TYK2: variants seen among roughly 807,000 people sequenced by gnomAD.
The protein encoded by TYK2 is tyrosine kinase 2.
TYK2 carries 65 observed loss-of-function variants against 130.9 expected under a neutral mutation model. That is an observed-to-expected ratio of 0.50 (90% CI 0.41 to 0.61). TYK2 has a LOEUF of 0.61. Ranked by LOEUF, TYK2 falls within the 20% of genes least tolerant of loss-of-function variation. The pLI is 0.00. For missense variants in TYK2, 1,378 were observed against 1,610.7 expected (o/e 0.86, Z 2.47); for synonymous variants, 647 against 658.9 (o/e 0.98, Z 0.28).
intron 15 of TYK2, among the ~76,000 whole-genome samples, chr19:10,358,357 G>C (rs957034294): frequency 1.5e-5 from 2 of 132,730 alleles, no homozygotes; most frequent in Non-Finnish European, 3.1e-5. Context: ...TTGGAGTATA[G>C]TGGCACGAAC....
intron 3 of TYK2, among the ~76,000 whole-genome samples, chr19:10,372,296 G>GT (rs776320771): frequency 0.056 from 7,213 of 129,842 alleles, 233 homozygotes; most frequent in African/African-American, 0.082. Context: ...CCCGGCCTGG[G>GT]TTTTTTTTTT....
At chr19:10,358,291 C>CTTTTTTTTTT (rs2041211470) in intron 15 of TYK2, among the ~76,000 whole-genome samples, 153 bp from the exon 16 acceptor site, 2 of 118,648 alleles carry the variant, frequency 1.7e-5, no homozygotes, top group African/African-American at 7.0e-5. Flanking sequence ...TTATTTTTTT[C>CTTTTTTTTTT]TTGTTTTTTT....
chr19:10,377,610 G>GGATA (rs1568346618), intron 3 of TYK2, among the ~76,000 whole-genome samples: 1 of 85,024 alleles, frequency 1.2e-5, no homozygotes. Context: ...ATGGATGGGT[G>GGATA]GATGGATGGG....
chr19:10,351,186 C>CT, intron 23 of TYK2, 24 bp from the exon 24 acceptor site: 1 of 1,600,182 alleles, frequency 6.2e-7, no homozygotes, highest in Non-Finnish European at 8.6e-7. Context: ...AAGACAAGCT[C>CT]TTTTCAAGAG....
At chr19:10,373,578 G>A (rs12720346) in intron 3 of TYK2, among the ~76,000 whole-genome samples, 4,558 of 152,106 alleles carry the variant, frequency 0.03, 113 homozygotes, top group Non-Finnish European at 0.044. Context: ...TGATCTGCCC[G>A]CCTCAGCCTC....
chr19:10,360,792 G>A (rs1379787372), intron 14 of TYK2, among the ~76,000 whole-genome samples: 2 of 151,874 alleles, frequency 1.3e-5, no homozygotes, highest in East Asian at 1.9e-4. Context: ...TCGCCCTGTC[G>A]CCCAGGCTGG....
At chr19:10,354,740 C>T in intron 18 of TYK2, 131 bp from the exon 19 acceptor site, 1 of 741,818 alleles carries the variant, frequency 1.3e-6, no homozygotes, top group Non-Finnish European at 2.4e-6. Context: ...TTTCCTGCAA[C>T]AGCTGAAAGA....
chr19:10,370,482 C>T lies in TYK2; in HGVS notation c.194-2064G>A, dbSNP rs376497814. ...TGAGCCGAGATTGTGCCACTGCACT[C>T]CAGCCTGGCGACACAGCAAGACTGT... On this transcript the variant is annotated intron_variant, in intron 3 of 24. Coordinates refer to ENST00000525621, the MANE Select transcript of TYK2 (RefSeq NM_003331.5). Among the ~76,000 whole-genome samples, 49 of 150,550 alleles carry T rather than the reference C, an allele frequency of 3.3e-4. 1 individual carries two copies. The highest frequency in any genetic ancestry group is 1.2e-3 in the African/African-American group (48 of 40,758).
intron 23 of TYK2, chr19:10,351,445 C>G: frequency 2.6e-6 from 1 of 380,492 alleles, no homozygotes; most frequent in South Asian, 2.2e-5. Flanking sequence ...CGAGATTGTG[C>G]CATTGCACTC....
rs556669916 is a variant in TYK2, at chr19:10,351,954, G to GA, written c.3318+479_3318+480insT. 2.4e-3 allele frequency among the ~76,000 whole-genome samples: 364 copies of GA among 151,790 alleles called. 2 individuals carry two copies. The highest frequency in any genetic ancestry group is 8.5e-3 in the African/African-American group (351 of 41,398). On this transcript the variant is annotated intron_variant, in intron 23 of 24. Coordinates refer to ENST00000525621, the MANE Select transcript of TYK2 (RefSeq NM_003331.5). ...GGGGTTTCACCATGTTGGCCAGGCTGGTCTCGATCTCCTGACCTCGTGATC... is the reference window on the plus strand; with the variant it reads ...GGGGTTTCACCATGTTGGCCAGGCTGAGTCTCGATCTCCTGACCTCGTGATC...
At position 10,378,443 on chromosome 19, in the gene TYK2, C is replaced by A. The variant is rs1358166890; in HGVS notation, c.-20-17G>T. On this transcript the variant is annotated splice_polypyrimidine_tract_variant and intron_variant, in intron 2 of 24. Coordinates refer to ENST00000525621, the MANE Select transcript of TYK2 (RefSeq NM_003331.5). ...GTGGCTCAGCTGGAAAGGGGACAATCTGTCAGCTCCCAAGTCTCAGCCCAG... is the reference window on the plus strand; with the variant it reads ...GTGGCTCAGCTGGAAAGGGGACAATATGTCAGCTCCCAAGTCTCAGCCCAG... The A allele has an allele frequency of 1.3e-6, 2 of 1,595,146 alleles. No individual in the cohort carries two copies. Among genetic ancestry groups the A allele is most frequent in the Non-Finnish European group, 1.7e-6 (2 of 1,174,708 alleles).
chr19:10,377,518 G>A, intron 3 of TYK2, among the ~76,000 whole-genome samples: 1 of 136,262 alleles, frequency 7.3e-6, no homozygotes, highest in Non-Finnish European at 1.6e-5. Flanking sequence ...GTGGGTGAGT[G>A]GGTGGGTGGA....
intron 19 of TYK2, 138 bp from the exon 20 acceptor site, chr19:10,354,372 T>C: frequency 1.5e-6 from 2 of 1,334,396 alleles, no homozygotes; most frequent in Non-Finnish European, 2.1e-6. Flanking sequence ...CTATTAAGAC[T>C]CCTTGGCACC....
intron 3 of TYK2, among the ~76,000 whole-genome samples, chr19:10,377,324 GTGGATGGATGGATGGATGGATGGATGGA>G (rs59020787): frequency 7.4e-5 from 10 of 135,586 alleles, no homozygotes; most frequent in South Asian, 2.5e-4. Context: ...GAATGAACGG[GTGGATGGATGGATGGATGGATGGATGGA>G]TGGATGGATG....
intron 16 of TYK2, 37 bp from the exon 17 acceptor site, chr19:10,357,955 G>A: frequency 6.2e-7 from 1 of 1,613,480 alleles, no homozygotes. Context: ...AAGGGTGAAA[G>A]GAGCAGGGGA....
At chr19:10,356,357 T>A (rs12720310) in intron 18 of TYK2, among the ~76,000 whole-genome samples, 2 of 152,052 alleles carry the variant, frequency 1.3e-5, no homozygotes, top group African/African-American at 4.8e-5. Context: ...CCAGGCTGGG[T>A]GACAGAGCAA....
At position 10,359,310 on chromosome 19, in the gene TYK2, GAC is replaced by G; in HGVS notation, c.2048-10_2048-9del. 6.2e-7 allele frequency: 1 copy of G among 1,610,164 alleles called. No individual in the cohort carries two copies. Among genetic ancestry groups the G allele is most frequent in the South Asian group, 1.1e-5 (1 of 90,982 alleles). Reference sequence around the variant, plus strand: ...ACTCTGTCACCATGATATCTGTAAAGACACAGCTGCTCTGGGGCAACCTGCCT... The same window carrying G: ...ACTCTGTCACCATGATATCTGTAAAGACAGCTGCTCTGGGGCAACCTGCCT... On this transcript the variant is annotated splice_polypyrimidine_tract_variant and intron_variant, in intron 14 of 24. Coordinates refer to ENST00000525621, the MANE Select transcript of TYK2 (RefSeq NM_003331.5).
At position 10,353,048 on chromosome 19, in the gene TYK2, C is replaced by T; in HGVS notation, c.3078G>A (p.Ala1026=). 2 of 1,590,704 alleles carry T rather than the reference C, an allele frequency of 1.3e-6. No individual in the cohort carries two copies. Among genetic ancestry groups the T allele is most frequent in the Middle Eastern group, 1.7e-4 (1 of 5,976 alleles). ...AQHYIHRDLA[A]RNVLLDNDRL... ...TGTCGTTGTCCAGCAGCACGTTGCG[C>T]GCGGCTAGGTCTCGGTGGATGTAGT... The change falls in exon 22 of 25, where the codon GCG becomes GCA. Residue 1026 remains alanine, a synonymous_variant. Coordinates refer to ENST00000525621, the MANE Select transcript of TYK2 (RefSeq NM_003331.5). The surrounding 1 kb of genome is among the most constrained non-coding windows in gnomAD (Gnocchi z 6.9).
At chr19:10,372,372 C>T (rs1249284663) in intron 3 of TYK2, among the ~76,000 whole-genome samples, 1 of 142,872 alleles carries the variant, frequency 7.0e-6, no homozygotes, top group African/African-American at 2.6e-5. Context: ...TGGCTCAGTG[C>T]AGCCATGACC....
Sources: allele counts gnomAD v4.1 joint callset (sites outside exome capture counted in the v4.1 genomes callset), GRCh38; gene constraint gnomAD v4.1.1; non-coding constraint Gnocchi (gnomAD v3.1); transcripts MANE v1.5; gene names NCBI Gene and HGNC (gene_info 2026-07-23, HGNC 2026-07-21).